SIN3B: variants seen among roughly 807,000 people sequenced by gnomAD.
SIN3B encodes the protein SIN3 transcription regulator family member B, also known as paired amphipathic helix protein Sin3b.
In SIN3B, 19 loss-of-function variants were observed where a neutral mutation model predicts 120.2. That is an observed-to-expected ratio of 0.16 (90% CI 0.11 to 0.23). The LOEUF (loss-of-function observed/expected upper bound fraction) is 0.23, where lower values mean the gene tolerates loss of function less well. Ranked by LOEUF, SIN3B falls within the 10% of genes least tolerant of loss-of-function variation. The pLI is 1.00. For synonymous variants in SIN3B, 654 were observed against 653.2 expected, an observed-to-expected ratio of 1.00 and a Z score of -0.02; for missense variants, 1,073 against 1,573.0, an observed-to-expected ratio of 0.68 and a Z score of 5.38.
chr19:16,838,101 A>G (rs1010121466), intron 3 of SIN3B, among the ~76,000 whole-genome samples: 1 of 152,160 alleles, frequency 6.6e-6, no homozygotes, highest in African/African-American at 2.4e-5. Flanking sequence ...GGTTTAGAGC[A>G]GCACAGTCGG....
chr19:16,835,617 T>A (rs999139409), intron 3 of SIN3B, among the ~76,000 whole-genome samples: 2 of 151,884 alleles, frequency 1.3e-5, no homozygotes, highest in African/African-American at 4.8e-5. Context: ...CCTCTGAGGT[T>A]CAAGTCATTC....
At chr19:16,847,168 C>G in intron 5 of SIN3B, 55 bp downstream of exon 5, 1 of 1,569,958 alleles carries the variant, frequency 6.4e-7, no homozygotes, top group Non-Finnish European at 8.7e-7. Flanking sequence ...GACGGAGGGC[C>G]CCAGCCAGCT....
At chr19:16,867,945 C>A (rs1398129426) in intron 12 of SIN3B, among the ~76,000 whole-genome samples, 1 of 152,208 alleles carries the variant, frequency 6.6e-6, no homozygotes, top group East Asian at 1.9e-4. Context: ...CCCTGGAAAT[C>A]CACCAATGCG....
rs117158030 is a variant in SIN3B at position 16,854,549 on chromosome 19, C to T, written c.1058+288C>T. The T allele has an allele frequency of 7.7e-3, 2,217 of 289,128 alleles. 23 individuals carry two copies. The highest frequency in any genetic ancestry group is 8.3e-3 in the Non-Finnish European group (1,285 of 154,202). The allele number at this position is 289,128 out of a possible 1,614,324, so 17.9% of individuals were successfully genotyped here. ...TTTTCATTTAACACTGTTTTAACAC[C>T]GATGAGAAAAGAAGACATTCATTTC... On this transcript the variant is annotated intron_variant, in intron 8 of 18. Transcript: ENST00000248054.
Position 16,862,604 on chromosome 19 carries a change from C to T in SIN3B, c.1266+45C>T. 6.6e-7 allele frequency: 1 copy of T among 1,507,618 alleles called. No individual in the cohort carries two copies. The highest frequency in any genetic ancestry group is 9.1e-7 in the Non-Finnish European group (1 of 1,096,210). 93.4% of individuals were successfully genotyped at this position (1,507,618 alleles called of 1,614,324 possible). A position where few individuals can be genotyped will look rare whatever the true frequency, so the allele number is the denominator to read the frequency against. The stretch of plus-strand genomic sequence containing the variant: ...AAATGTTCGTTGACATGGTGCATCC[C>T]CCACCCCTCCCCAGCAAACACCCGA... On this transcript the variant is annotated intron_variant, in intron 9 of 18. Transcript: ENST00000248054. The surrounding 1 kb of genome is among the most constrained non-coding windows in gnomAD (Gnocchi z 4.7).
chr19:16,874,815 GT>G (rs2051566488), intron 14 of SIN3B, among the ~76,000 whole-genome samples: 3 of 151,814 alleles, frequency 2.0e-5, no homozygotes. Context: ...ATCTGATCTG[GT>G]CTGGTTTTGG....
chr19:16,877,509 A>T, intron 16 of SIN3B, 36 bp from the exon 17 acceptor site: 1 of 1,473,856 alleles, frequency 6.8e-7, no homozygotes, highest in Non-Finnish European at 9.4e-7. Context: ...GCCCTGCTGT[A>T]GGGGCATCAC....
intron 8 of SIN3B, among the ~76,000 whole-genome samples, chr19:16,860,498 C>T (rs536982278): frequency 7.2e-5 from 11 of 151,778 alleles, no homozygotes; most frequent in South Asian, 6.2e-4. Flanking sequence ...CGGGGAACGA[C>T]GGAGCCCACA....
rs778411895 is a variant in SIN3B, at chr19:16,846,954, T to C, written c.583-16T>C. 29 of 1,612,142 alleles carry C rather than the reference T, an allele frequency of 1.8e-5. No individual in the cohort carries two copies. The Admixed American group carries it at 2.5e-4, about 14-fold the overall frequency. ...CTTGACTAACGACTTATTTTCCCTT[T>C]CCTGAAAACTGGCAGAAGGAGCAGC... On this transcript the variant is annotated splice_polypyrimidine_tract_variant and intron_variant, in intron 4 of 18. Coordinates refer to ENST00000248054, the MANE Select transcript of SIN3B (RefSeq NM_001297595.2).
intron 6 of SIN3B, among the ~76,000 whole-genome samples, chr19:16,852,219 C>T (rs1012702143): frequency 3.3e-5 from 5 of 152,028 alleles, no homozygotes; most frequent in South Asian, 2.1e-4. Flanking sequence ...CTCCGCCTCC[C>T]GGGTTCACGC....
intron 5 of SIN3B, among the ~76,000 whole-genome samples, chr19:16,848,675 A>G (rs922553110): frequency 2.0e-5 from 3 of 151,760 alleles, no homozygotes; most frequent in Non-Finnish European, 4.4e-5. Flanking sequence ...CAATTTTTGT[A>G]TTTTTTGTAG....
rs548779686 is a variant in SIN3B, at chr19:16,878,730, C to T, written c.*3C>T. The T allele has an allele frequency of 1.6e-5, 25 of 1,592,380 alleles. No homozygotes were observed. Among genetic ancestry groups the T allele is most frequent in the East Asian group, 9.1e-5 (4 of 43,790 alleles). On this transcript the variant is annotated 3_prime_UTR_variant, in exon 19 of 19. Transcript: ENST00000248054. Reference sequence around the variant, plus strand: ...GCCGCCGCCCGGCCTCGCCCTGACCCGCCCTCATGGGCACCGGGCAGGCGC... The same window carrying T: ...GCCGCCGCCCGGCCTCGCCCTGACCTGCCCTCATGGGCACCGGGCAGGCGC...
intron 10 of SIN3B, among the ~76,000 whole-genome samples, chr19:16,864,539 C>T (rs184822282): frequency 2.6e-5 from 4 of 151,608 alleles, no homozygotes; most frequent in African/African-American, 2.4e-5. Flanking sequence ...ACTGTGTTCC[C>T]GAGGCTGGTC....
Position 16,853,175 on chromosome 19 carries a change from G to T in SIN3B, c.939+17G>T, listed in dbSNP as rs769143860. 2 of 1,611,262 alleles carry T rather than the reference G, an allele frequency of 1.2e-6. No homozygotes were observed. Among genetic ancestry groups the T allele is most frequent in the Non-Finnish European group, 1.7e-6 (2 of 1,177,372 alleles). ...TTTGACAAGGTGAGGGTGGGCCCTGGCTTCCATCTTGGGGATGCCATGTCC... is the reference window on the plus strand; with the variant it reads ...TTTGACAAGGTGAGGGTGGGCCCTGTCTTCCATCTTGGGGATGCCATGTCC... On this transcript the variant is annotated intron_variant, in intron 7 of 18. Transcript: ENST00000248054.
chr19:16,862,459 T>C lies in SIN3B; in HGVS notation c.1166T>C (p.Ile389Thr), dbSNP rs1971702263. 1 of 1,613,998 alleles carries C rather than the reference T, an allele frequency of 6.2e-7. No individual in the cohort carries two copies. The highest frequency in any genetic ancestry group is 1.3e-5 in the African/African-American group (1 of 74,886). Residue 389 changes from isoleucine to threonine, a missense_variant, in exon 9 of 19, where the codon ATT becomes ACT. Physicochemically the swap from Ile to Thr is moderately conservative, Grantham distance 89 (BLOSUM62 -1). Coordinates refer to ENST00000248054, the MANE Select transcript of SIN3B (RefSeq NM_001297595.2). This position sits in a 1 kb window ranked among gnomAD's most constrained non-coding sequence, Gnocchi z 4.7. ...DRSGDGISRE[I>T]DYASCKRIGS... ...TCCGGGGACGGGATAAGCCGGGAAA[T>C]TGATTATGCATCCTGCAAGCGCATA...
At chr19:16,843,831 G>A (rs907264635) in intron 4 of SIN3B, among the ~76,000 whole-genome samples, 4 of 144,534 alleles carry the variant, frequency 2.8e-5, no homozygotes, top group African/African-American at 1.0e-4. Context: ...GGGCCCGCCC[G>A]GCATCGGCAC....
chr19:16,841,203 C>A (rs1274405148), intron 3 of SIN3B, among the ~76,000 whole-genome samples: 1 of 152,070 alleles, frequency 6.6e-6, no homozygotes, highest in Admixed American at 6.6e-5. Flanking sequence ...CAGGGCCTGT[C>A]TTTTCTCCCA....
chr19:16,869,438 A>G, intron 12 of SIN3B, 22 bp from the exon 13 acceptor site: 1 of 1,586,802 alleles, frequency 6.3e-7, no homozygotes, highest in Non-Finnish European at 8.6e-7. Context: ...TTTCCACCTA[A>G]TGGCCGCCCT....
chr19:16,833,884 C>T (rs1003593080), intron 3 of SIN3B, among the ~76,000 whole-genome samples: 20 of 151,874 alleles, frequency 1.3e-4, no homozygotes, highest in African/African-American at 4.6e-4. Context: ...TCATCATGCC[C>T]GGCTAATTTT....
Sources: allele counts gnomAD v4.1 joint callset (sites outside exome capture counted in the v4.1 genomes callset), GRCh38; gene constraint gnomAD v4.1.1; non-coding constraint Gnocchi (gnomAD v3.1); transcripts MANE v1.5; gene names NCBI Gene and HGNC (gene_info 2026-07-23, HGNC 2026-07-21).